The following CEP128 variants were observed in gnomAD, a reference collection of about 807,000 sequenced individuals.
CEP128 encodes the protein centrosomal protein 128kDa.
In CEP128, 132 loss-of-function variants were observed where a neutral mutation model predicts 156.7. The observed-to-expected ratio is 0.84, with a 90% CI of 0.73 to 0.97. The LOEUF is 0.97. Among genes scored for constraint, CEP128 ranks in the 50% least tolerant of loss-of-function variants. The probability of loss-of-function intolerance (pLI) is 0.00; values close to 1 mark genes in which losing one functional copy is unlikely to be tolerated. For missense variants in CEP128, 1,252 were observed against 1,281.9 expected, an observed-to-expected ratio of 0.98 and a Z score of 0.36; for synonymous variants, 469 against 448.9, an observed-to-expected ratio of 1.04 and a Z score of -0.57.
chr14:80,539,718 A>G (rs963696547), intron 21 of CEP128, among the ~76,000 whole-genome samples: 6 of 152,074 alleles, frequency 3.9e-5, no homozygotes, highest in African/African-American at 1.5e-4. Context: ...CAAAACAGCC[A>G]TATTTTTCTT....
At position 80,829,521 on chromosome 14, in the gene CEP128, C is replaced by A. The variant is rs571110617; in HGVS notation, c.1209+1622G>T. Among the ~76,000 whole-genome samples the A allele has an allele frequency of 1.8e-3, 274 of 152,298 alleles. 2 individuals are homozygous for A. The highest frequency in any genetic ancestry group is 6.2e-3 in the African/African-American group (258 of 41,556). ...GAACTCCTGGCTCAAGCAATCCTTTCACCTCATCCTCTTGAGTAGCCGAGA... is the reference window on the plus strand; with the variant it reads ...GAACTCCTGGCTCAAGCAATCCTTTAACCTCATCCTCTTGAGTAGCCGAGA... On this transcript the variant is annotated intron_variant, in intron 13 of 24. Coordinates refer to ENST00000555265, the MANE Select transcript of CEP128 (RefSeq NM_152446.5).
intron 19 of CEP128, among the ~76,000 whole-genome samples, chr14:80,691,777 T>C (rs974378531): frequency 5.9e-5 from 9 of 152,184 alleles, no homozygotes; most frequent in South Asian, 2.1e-4. Flanking sequence ...AATTAGAAGA[T>C]GATAATTAAA....
At chr14:80,479,054 A>G (rs1887000236) in intron 14 of CEP128, among the ~76,000 whole-genome samples, 1 of 152,194 alleles carries the variant, frequency 6.6e-6, no homozygotes, top group African/African-American at 2.4e-5. Flanking sequence ...ACTTTTCATG[A>G]GCCATTACAT....
intron 8 of CEP128, among the ~76,000 whole-genome samples, chr14:80,892,796 G>GTTA (rs1889164947): frequency 6.6e-6 from 1 of 151,766 alleles, no homozygotes; most frequent in African/African-American, 2.4e-5. Context: ...ATATCAAAAG[G>GTTA]TATTTAACAT....
intron 20 of CEP128, among the ~76,000 whole-genome samples, chr14:80,568,201 C>T (rs752430789): frequency 2.6e-5 from 4 of 152,066 alleles, no homozygotes; most frequent in Non-Finnish European, 5.9e-5. Context: ...TTTGTTTCCC[C>T]GAAGGGCACA....
At chr14:80,616,719 G>C (rs1893229254) in intron 19 of CEP128, among the ~76,000 whole-genome samples, 1 of 152,170 alleles carries the variant, frequency 6.6e-6, no homozygotes, top group African/African-American at 2.4e-5. Flanking sequence ...GTACTATACG[G>C]AGTCTCAATC....
At chr14:80,540,119 C>T (rs1165805370) in intron 21 of CEP128, among the ~76,000 whole-genome samples, 1 of 151,708 alleles carries the variant, frequency 6.6e-6, no homozygotes, top group Non-Finnish European at 1.5e-5. Flanking sequence ...AGCATGTGAT[C>T]TTTGTTAGAC....
intron 16 of CEP128, among the ~76,000 whole-genome samples, chr14:80,774,237 C>T (rs1039939382): frequency 6.6e-6 from 1 of 152,048 alleles, no homozygotes; most frequent in African/African-American, 2.4e-5. Flanking sequence ...GTAATAATAA[C>T]ATGACAAGAA....
intron 9 of CEP128, among the ~76,000 whole-genome samples, chr14:80,860,075 T>C (rs1887439613): frequency 6.6e-6 from 1 of 152,222 alleles, no homozygotes; most frequent in African/African-American, 2.4e-5. Context: ...AATGCATCAA[T>C]TACTATTATC....
At chr14:80,479,648 G>T (rs1216857196) in intron 14 of CEP128, among the ~76,000 whole-genome samples, 1 of 152,108 alleles carries the variant, frequency 6.6e-6, no homozygotes, top group Non-Finnish European at 1.5e-5. Context: ...TGGGGACACA[G>T]CCAAACCGTA....
chr14:80,940,526 AT>A (rs1886087760), intron 1 of CEP128, among the ~76,000 whole-genome samples: 1 of 151,276 alleles, frequency 6.6e-6, no homozygotes, highest in African/African-American at 2.4e-5. Flanking sequence ...TTTTTTTTTA[AT>A]GTACAGCCAG....
At chr14:80,748,437 A>C (rs1700430839) in intron 18 of CEP128, among the ~76,000 whole-genome samples, 1 of 152,218 alleles carries the variant, frequency 6.6e-6, no homozygotes, top group African/African-American at 2.4e-5. Flanking sequence ...TATGACAGTC[A>C]AGGCAGCAAA....
At chr14:80,499,254 A>G (rs908681666) in intron 24 of CEP128, among the ~76,000 whole-genome samples, 10 of 152,214 alleles carry the variant, frequency 6.6e-5, no homozygotes, top group African/African-American at 2.2e-4. Context: ...ACCTTGAAGT[A>G]TAACACAGAA....
chr14:80,593,472 C>T (rs1357703929), intron 19 of CEP128, among the ~76,000 whole-genome samples: 2 of 144,428 alleles, frequency 1.4e-5, no homozygotes, highest in African/African-American at 2.6e-5. Flanking sequence ...ACCCAGGAGG[C>T]GGAGCTTGCA....
rs11287309 is a variant in CEP128 at position 80,627,740 on chromosome 14, C to CTT, written c.2807-47319_2807-47318dup. ...TTTATTTTTAATTAATTATTATTTT[C>CTT]TTTTTTTTTTTTTTTTGGCTCAGAA... On this transcript the variant is annotated intron_variant, in intron 19 of 24. Transcript: ENST00000555265. Among the ~76,000 whole-genome samples, 225 of 129,544 alleles carry CTT rather than the reference C, an allele frequency of 1.7e-3. 1 individual carries two copies. Among genetic ancestry groups the CTT allele is most frequent in the East Asian group, 6.7e-3 (31 of 4,606 alleles). 85.0% of individuals were successfully genotyped at this position (129,544 alleles called of 152,430 possible).
At chr14:80,954,130 C>T (rs1329094347) in intron 2 of CEP128, among the ~76,000 whole-genome samples, 2 of 151,784 alleles carry the variant, frequency 1.3e-5, no homozygotes, top group South Asian at 2.1e-4. Flanking sequence ...ATTAGCCGGG[C>T]GTGGTGGCGG....
chr14:80,847,927 G>A (rs1886691475), intron 9 of CEP128, among the ~76,000 whole-genome samples: 1 of 152,160 alleles, frequency 6.6e-6, no homozygotes, highest in Admixed American at 6.5e-5. Context: ...TTTACTGAAT[G>A]AATAGTTACT....
At chr14:80,507,345 T>A (rs1888025832) in intron 23 of CEP128, among the ~76,000 whole-genome samples, 1 of 152,156 alleles carries the variant, frequency 6.6e-6, no homozygotes, top group Non-Finnish European at 1.5e-5. Flanking sequence ...CACTGCAGGA[T>A]CTCTGGAAAG....
At chr14:80,548,348 T>C (rs889928845) in intron 21 of CEP128, among the ~76,000 whole-genome samples, 4 of 152,162 alleles carry the variant, frequency 2.6e-5, no homozygotes, top group Non-Finnish European at 2.9e-5. Context: ...TAAAACTAGA[T>C]GCACAAAATG....
Sources: allele counts gnomAD v4.1 joint callset (sites outside exome capture counted in the v4.1 genomes callset), GRCh38; gene constraint gnomAD v4.1.1; transcripts MANE v1.5; gene names NCBI Gene and HGNC (gene_info 2026-07-23, HGNC 2026-07-21).